HPSE2: variants seen among roughly 807,000 people sequenced by gnomAD.
HPSE2 encodes inactive heparanase-2.
In HPSE2, 38 loss-of-function variants were observed where a neutral mutation model predicts 60.5. The observed-to-expected ratio is 0.63, with a 90% confidence interval of 0.48 to 0.82. The LOEUF is 0.82. Ranked by LOEUF, HPSE2 falls within the 40% of genes least tolerant of loss-of-function variation. The pLI is 0.00. For synonymous variants in HPSE2, 295 were observed against 293.2 expected (o/e 1.01, Z -0.06); for missense variants, 713 against 740.4 (o/e 0.96, Z 0.43).
At chr10:99,101,638 T>C (rs1375522851) in intron 3 of HPSE2, among the ~76,000 whole-genome samples, 1 of 152,180 alleles carries the variant, frequency 6.6e-6, no homozygotes, top group Admixed American at 6.5e-5. Context: ...GTGGACCTAA[T>C]AGACATCTAC....
At chr10:98,958,072 A>G (rs1323375778) in intron 3 of HPSE2, among the ~76,000 whole-genome samples, 2 of 152,166 alleles carry the variant, frequency 1.3e-5, no homozygotes, top group Non-Finnish European at 2.9e-5. Flanking sequence ...GATCTTCCAG[A>G]AAGTTCAGCT....
At chr10:98,808,741 C>T (rs1056611781) in intron 3 of HPSE2, among the ~76,000 whole-genome samples, 2 of 152,086 alleles carry the variant, frequency 1.3e-5, no homozygotes, top group African/African-American at 2.4e-5. Context: ...CTCACATTTC[C>T]CTAATTTTTA....
At chr10:99,188,633 T>C (rs1313761739) in intron 2 of HPSE2, among the ~76,000 whole-genome samples, 1 of 152,170 alleles carries the variant, frequency 6.6e-6, no homozygotes, top group Non-Finnish European at 1.5e-5. Flanking sequence ...CCTAGTTCTT[T>C]AGAACTTCAA....
intron 3 of HPSE2, among the ~76,000 whole-genome samples, chr10:98,744,415 T>C (rs942611448): frequency 2.0e-4 from 31 of 152,074 alleles, no homozygotes; most frequent in Non-Finnish European, 2.9e-4. Context: ...TAGTCCCAGC[T>C]ACTCAGAAGG....
At chr10:98,723,414 T>C (rs1948981228) in intron 4 of HPSE2, among the ~76,000 whole-genome samples, 2 of 152,154 alleles carry the variant, frequency 1.3e-5, no homozygotes, top group Admixed American at 1.3e-4. Context: ...GGGATATTGG[T>C]CTAAAATTCT....
chr10:99,266,938 T>C, the HPSE2 span, among the ~76,000 whole-genome samples: 4 of 152,058 alleles, frequency 2.6e-5, no homozygotes, highest in South Asian at 8.3e-4. Context: ...GCCACATCCC[T>C]AGGGGAAGGG....
chr10:98,779,063 C>T (rs1052195146), intron 3 of HPSE2, among the ~76,000 whole-genome samples: 2 of 152,086 alleles, frequency 1.3e-5, no homozygotes, highest in Non-Finnish European at 2.9e-5. Flanking sequence ...CATTAAGAGA[C>T]AGATTAATTT....
chr10:98,697,039 G>A (rs1220808674), intron 5 of HPSE2, among the ~76,000 whole-genome samples: 1 of 130,734 alleles, frequency 7.6e-6, no homozygotes, highest in African/African-American at 2.7e-5. Context: ...ATGAAGATGA[G>A]AAAGAAGCAG....
intron 3 of HPSE2, among the ~76,000 whole-genome samples, chr10:98,988,445 T>C (rs201074573): frequency 2.0e-5 from 3 of 150,738 alleles, no homozygotes; most frequent in Non-Finnish European, 4.5e-5. Context: ...TAGCCATATG[T>C]AGAAAGCTGA....
At chr10:98,692,158 A>G (rs575119559) in intron 6 of HPSE2, among the ~76,000 whole-genome samples, 2 of 152,182 alleles carry the variant, frequency 1.3e-5, no homozygotes, top group Non-Finnish European at 2.9e-5. Flanking sequence ...ATGACATGTA[A>G]GGTGAGACTT....
chr10:98,490,233 A>G, intron 9 of HPSE2, 37 bp from the exon 10 acceptor site: 1 of 1,606,694 alleles, frequency 6.2e-7, no homozygotes, highest in Non-Finnish European at 8.5e-7. Flanking sequence ...CAGCGAGAGA[A>G]CACATGCTCA....
chr10:99,310,398 T>C, the HPSE2 span, among the ~76,000 whole-genome samples: 4 of 152,338 alleles, frequency 2.6e-5, no homozygotes, highest in Non-Finnish European at 5.9e-5. Flanking sequence ...TAGTTTTTCC[T>C]GTGTGCATGT....
chr10:99,167,386 T>G (rs1370052358), intron 2 of HPSE2, among the ~76,000 whole-genome samples: 1 of 152,200 alleles, frequency 6.6e-6, no homozygotes, highest in Non-Finnish European at 1.5e-5. Context: ...TTCTAGAAGT[T>G]TTATAAGTGT....
the HPSE2 span, among the ~76,000 whole-genome samples, chr10:99,267,548 C>G: frequency 2.0e-5 from 3 of 152,180 alleles, no homozygotes; most frequent in Non-Finnish European, 2.9e-5. Flanking sequence ...CTTTTGGAGG[C>G]TGAGTCAGGT....
chr10:98,696,414 G>A (rs1416878253), intron 5 of HPSE2, among the ~76,000 whole-genome samples: 2 of 151,900 alleles, frequency 1.3e-5, no homozygotes, highest in African/African-American at 4.8e-5. Flanking sequence ...AGAGAGGAAG[G>A]AAGAGCAGTG....
chr10:99,119,433 A>C (rs1844858979), intron 3 of HPSE2, among the ~76,000 whole-genome samples: 3 of 152,244 alleles, frequency 2.0e-5, no homozygotes, highest in Admixed American at 2.0e-4. Flanking sequence ...CTGCTCAAAG[A>C]AATCAAAGAT....
At chr10:98,600,024 T>G (rs1945353786) in intron 9 of HPSE2, among the ~76,000 whole-genome samples, 1 of 152,214 alleles carries the variant, frequency 6.6e-6, no homozygotes, top group South Asian at 2.1e-4. Flanking sequence ...AAAACACCTT[T>G]AAGACCAGCT....
chr10:98,915,102 G>A lies in HPSE2; in HGVS notation c.611-171046C>T, dbSNP rs554229280. ...TTCTTCTATATACTTATATAACCTC[G>A]ATAAACTTTGATGTAATTTTATATT... On this transcript the variant is annotated intron_variant, in intron 3 of 11. Coordinates refer to ENST00000370552, the MANE Select transcript of HPSE2 (RefSeq NM_021828.5). Among the ~76,000 whole-genome samples the A allele has an allele frequency of 2.0e-4, 30 of 148,858 alleles. No homozygotes were observed. The Middle Eastern group carries it at 0.011, about 54-fold the overall frequency.
intron 3 of HPSE2, among the ~76,000 whole-genome samples, chr10:98,993,710 A>G (rs1956579389): frequency 6.6e-6 from 1 of 152,208 alleles, no homozygotes; most frequent in Non-Finnish European, 1.5e-5. Flanking sequence ...TGGATACTTT[A>G]ATGGATTGGT....
Sources: gnomAD v4.1 joint callset for allele counts (sites outside exome capture counted in the v4.1 genomes callset) on GRCh38, gnomAD v4.1.1 for gene constraint, MANE v1.5 for transcripts, NCBI Gene and HGNC (gene_info 2026-07-23, HGNC 2026-07-21) for gene names.